The following ACACA variants were observed in gnomAD, a reference collection of about 807,000 sequenced individuals.
ACACA encodes acetyl-CoA carboxylase 1.
Under a neutral mutation model 296.1 loss-of-function variants are expected in ACACA, and 103 were observed. The ratio of observed to expected loss-of-function variants is 0.35; its 90% confidence interval spans 0.30 to 0.41. The LOEUF is 0.41. Among genes scored for constraint, ACACA ranks in the 10% least tolerant of loss-of-function variants. The pLI, the probability that ACACA is intolerant of heterozygous loss-of-function variation, is 1.00. For synonymous variants in ACACA, 953 were observed against 1,038.6 expected, an observed-to-expected ratio of 0.92 and a Z score of 1.58; for missense variants, 1,554 against 2,989.7, an observed-to-expected ratio of 0.52 and a Z score of 11.20.
At chr17:37,176,422 T>C (rs2077119149) in intron 41 of ACACA, among the ~76,000 whole-genome samples, 1 of 152,186 alleles carries the variant, frequency 6.6e-6, no homozygotes, top group Non-Finnish European at 1.5e-5. Context: ...TTTTTATTCT[T>C]TTGTAATAAA....
intron 1 of ACACA, among the ~76,000 whole-genome samples, chr17:37,353,822 A>G (rs1217680320): frequency 6.6e-6 from 1 of 151,662 alleles, no homozygotes; most frequent in Non-Finnish European, 1.5e-5. Flanking sequence ...GAATTTTCCA[A>G]CTTTGCTGGG....
intron 3 of ACACA, among the ~76,000 whole-genome samples, chr17:37,320,488 G>A (rs1441570429): frequency 1.3e-5 from 2 of 151,784 alleles, no homozygotes; most frequent in African/African-American, 4.8e-5. Context: ...TCCAGCCTGG[G>A]CGACAGAGCG....
chr17:37,265,847 T>C (rs1036369273), intron 10 of ACACA, among the ~76,000 whole-genome samples: 6 of 152,192 alleles, frequency 3.9e-5, no homozygotes, highest in African/African-American at 1.4e-4. Context: ...CTCTTTTTAT[T>C]TGAAATGACA....
chr17:37,143,362 T>C (rs548392171), intron 45 of ACACA, among the ~76,000 whole-genome samples: 28 of 151,454 alleles, frequency 1.8e-4, no homozygotes, highest in African/African-American at 5.6e-4. Context: ...TCAGAGACAA[T>C]TGAAAATGAA....
At chr17:37,111,753 C>G in intron 51 of ACACA, 110 bp from the exon 52 acceptor site, 1 of 825,590 alleles carries the variant, frequency 1.2e-6, no homozygotes, top group Non-Finnish European at 2.0e-6. Context: ...GCTTCATTAT[C>G]ATTTTGCCCA....
In ACACA at chr17:37,207,627, T is replaced by C. The variant is rs928332828; in HGVS notation, c.3851+30A>G. 4 of 1,613,200 alleles carry C rather than the reference T, an allele frequency of 2.5e-6. No individual in the cohort carries two copies. The African/African-American group carries it at 5.3e-5, about 22-fold the overall frequency. Reference sequence around the variant, plus strand: ...AAAACACAGATGTCCATGGCTCCCCTTGTACAGACATAGTTCCACAATGTC... The same window carrying C: ...AAAACACAGATGTCCATGGCTCCCCCTGTACAGACATAGTTCCACAATGTC... On this transcript the variant is annotated intron_variant, in intron 31 of 55. Transcript: ENST00000616317.
intron 1 of ACACA, among the ~76,000 whole-genome samples, chr17:37,345,078 T>C (rs777513606): frequency 3.9e-5 from 6 of 152,090 alleles, no homozygotes; most frequent in Non-Finnish European, 8.8e-5. Context: ...GGAGAGAGAT[T>C]AGAGGATCCT....
intron 5 of ACACA, among the ~76,000 whole-genome samples, chr17:37,281,225 A>AT (rs1407664775): frequency 6.6e-6 from 1 of 151,544 alleles, no homozygotes; most frequent in Non-Finnish European, 1.5e-5. Context: ...TGCCCAGCTA[A>AT]TTTTTGTATT....
chr17:37,379,453 C>T (rs931408871), intron 1 of ACACA: 59 of 1,496,114 alleles, frequency 3.9e-5, no homozygotes, highest in Non-Finnish European at 4.0e-5. Context: ...GCCAGAACTC[C>T]GTAGCAGGAA....
intron 1 of ACACA, among the ~76,000 whole-genome samples, chr17:37,402,711 T>G (rs1388716718): frequency 3.3e-5 from 5 of 152,088 alleles, no homozygotes; most frequent in Non-Finnish European, 7.4e-5. Flanking sequence ...CTCGCTCTGT[T>G]GCCCAGGCTG....
intron 19 of ACACA, 149 bp downstream of exon 19, chr17:37,246,677 C>G: frequency 9.6e-7 from 1 of 1,042,984 alleles, no homozygotes; most frequent in Non-Finnish European, 1.5e-6. Context: ...AAGCGATCTT[C>G]CTGCCTCAGC....
At chr17:37,122,258 C>T (rs2074563467) in intron 49 of ACACA, among the ~76,000 whole-genome samples, 1 of 152,192 alleles carries the variant, frequency 6.6e-6, no homozygotes, top group African/African-American at 2.4e-5. Context: ...ATCTCAGCTA[C>T]CTTTCTGTAA....
intron 30 of ACACA, among the ~76,000 whole-genome samples, chr17:37,209,811 C>G (rs1050123439): frequency 6.6e-6 from 1 of 152,094 alleles, no homozygotes; most frequent in African/African-American, 2.4e-5. Context: ...ATTGTGTTGC[C>G]TTGCTTGGTT....
intron 45 of ACACA, 116 bp downstream of exon 45, chr17:37,149,748 T>C (rs1301664625): frequency 1.3e-5 from 11 of 875,842 alleles, no homozygotes; most frequent in Admixed American, 8.9e-5. Flanking sequence ...GGGGAAGAGA[T>C]AGACTGAGGA....
intron 50 of ACACA, among the ~76,000 whole-genome samples, chr17:37,115,857 A>G (rs962265015): frequency 1.3e-5 from 2 of 152,206 alleles, no homozygotes; most frequent in African/African-American, 2.4e-5. Context: ...TCATCAGAAC[A>G]TTATCTTATT....
intron 1 of ACACA, among the ~76,000 whole-genome samples, chr17:37,355,663 C>T (rs994008075): frequency 2.6e-5 from 4 of 151,880 alleles, no homozygotes; most frequent in Non-Finnish European, 5.9e-5. Flanking sequence ...CGAGACCAGC[C>T]TGACCAACAT....
intron 3 of ACACA, among the ~76,000 whole-genome samples, chr17:37,313,210 G>A (rs1250762113): frequency 6.6e-6 from 1 of 151,936 alleles, no homozygotes; most frequent in East Asian, 1.9e-4. Flanking sequence ...TAATACCAAG[G>A]TGATGGGTTC....
intron 1 of ACACA, among the ~76,000 whole-genome samples, chr17:37,350,666 C>T (rs922598135): frequency 6.6e-6 from 1 of 152,076 alleles, no homozygotes; most frequent in African/African-American, 2.4e-5. Context: ...ATGGAGAAAC[C>T]CTGTCTCTAC....
At chr17:37,150,402 C>T (rs1456090194) in intron 44 of ACACA, among the ~76,000 whole-genome samples, 2 of 151,908 alleles carry the variant, frequency 1.3e-5, no homozygotes, top group East Asian at 1.9e-4. Flanking sequence ...ATTATCCGGG[C>T]GTCATGGCAC....
Sources: allele counts gnomAD v4.1 joint callset (sites outside exome capture counted in the v4.1 genomes callset), GRCh38; gene constraint gnomAD v4.1.1; transcripts MANE v1.5; gene names NCBI Gene and HGNC (gene_info 2026-07-23, HGNC 2026-07-21).